Variants in CMC1 observed in about 807,000 individuals in gnomAD.
The protein encoded by CMC1 is C-X9-C motif containing 1, also known as COX assembly mitochondrial protein homolog.
A neutral mutation model predicts 14.1 loss-of-function variants in CMC1; 14 were observed. That is an observed-to-expected ratio of 0.99 (90% CI 0.66 to 1.55). The LOEUF (loss-of-function observed/expected upper bound fraction) is 1.55. Ranked by LOEUF, CMC1 falls within the 40% of genes most tolerant of loss-of-function variation. CMC1 has a pLI of 0.00. For synonymous variants in CMC1, 50 were observed against 38.4 expected, an observed-to-expected ratio of 1.30 and a Z score of -1.12; for missense variants, 127 against 123.8, an observed-to-expected ratio of 1.03 and a Z score of -0.12.
At chr3:28,288,409 C>G (rs1281210963) in intron 2 of CMC1, among the ~76,000 whole-genome samples, 1 of 151,910 alleles carries the variant, frequency 6.6e-6, no homozygotes, top group Non-Finnish European at 1.5e-5. Context: ...ATCTGAAAAT[C>G]CTGTTAAGAA....
intron 2 of CMC1, among the ~76,000 whole-genome samples, chr3:28,275,236 G>C (rs1483117238): frequency 6.6e-6 from 1 of 151,112 alleles, no homozygotes; most frequent in Non-Finnish European, 1.5e-5. Flanking sequence ...AGTTTATCTA[G>C]CTTCGGTCTT....
chr3:28,314,330 A>G (rs1353249411), intron 2 of CMC1, among the ~76,000 whole-genome samples: 7 of 152,240 alleles, frequency 4.6e-5, no homozygotes, highest in Non-Finnish European at 1.0e-4. Flanking sequence ...TGAGCTGGCT[A>G]TAAGTCTGCT....
chr3:28,245,949 T>C (rs981576439), intron 1 of CMC1, among the ~76,000 whole-genome samples: 2 of 152,088 alleles, frequency 1.3e-5, no homozygotes, highest in Non-Finnish European at 2.9e-5. Flanking sequence ...TTAGAAAAAT[T>C]TTTTATTTTT....
intron 2 of CMC1, among the ~76,000 whole-genome samples, chr3:28,279,296 A>T (rs1360527804): frequency 6.6e-6 from 1 of 152,200 alleles, no homozygotes; most frequent in Non-Finnish European, 1.5e-5. Flanking sequence ...CAGGCCTTGG[A>T]AAGTGCGTGT....
chr3:28,317,146 G>A (rs1432418734), intron 3 of CMC1: 1 of 151,880 alleles, frequency 6.6e-6, no homozygotes, highest in Non-Finnish European at 1.5e-5. Context: ...TGTCAGTATG[G>A]TATGTATCTT....
At position 28,241,717 on chromosome 3, in the gene CMC1, C is replaced by T. The variant is rs1319791710; in HGVS notation, c.-77C>T. On this transcript the variant is annotated 5_prime_UTR_variant, in exon 1 of 4. Coordinates refer to ENST00000466830, the MANE Select transcript of CMC1 (RefSeq NM_182523.2). ...CCGGGGGTCGCACGTGCGTCCGAGC[C>T]CAAGCCCCTCCCCTCCACTCCCCTT... 2 of 1,239,310 alleles carry T rather than the reference C, an allele frequency of 1.6e-6. No homozygotes were observed. The highest frequency in any genetic ancestry group is 2.0e-6 in the Non-Finnish European group (2 of 988,014). 76.8% of individuals were successfully genotyped at this position (1,239,310 alleles called of 1,614,324 possible). A position where few individuals can be genotyped will look rare whatever the true frequency, so the allele number is the denominator to read the frequency against.
At chr3:28,247,148 C>T (rs772387361) in intron 1 of CMC1, among the ~76,000 whole-genome samples, 6 of 152,024 alleles carry the variant, frequency 3.9e-5, no homozygotes, top group South Asian at 2.1e-4. Context: ...TTTATTCCCT[C>T]ACACAAGGTA....
At chr3:28,300,969 T>C (rs1377885456) in intron 2 of CMC1, among the ~76,000 whole-genome samples, 1 of 130,038 alleles carries the variant, frequency 7.7e-6, no homozygotes, top group African/African-American at 3.0e-5. Flanking sequence ...GATAACGTTC[T>C]GTACCTTGCT....
intron 2 of CMC1, among the ~76,000 whole-genome samples, chr3:28,305,110 A>T (rs1484804160): frequency 6.6e-6 from 1 of 152,056 alleles, no homozygotes; most frequent in African/African-American, 2.4e-5. Context: ...TGGACTCCCC[A>T]GTATCTATAA....
Position 28,324,481 on chromosome 3 carries a change from C to G in CMC1, c.*4852C>G. 7.0e-7 allele frequency: 1 copy of G among 1,429,508 alleles called. No homozygotes were observed. Among genetic ancestry groups the G allele is most frequent in the East Asian group, 2.3e-5 (1 of 42,846 alleles). The allele number at this position is 1,429,508 out of a possible 1,614,324, so 88.6% of individuals were successfully genotyped here. ...TAAAAAGAAAACACAGACTAAATGT[C>G]AGTTTTCATTACATTTGTGATCATA... On this transcript the variant is annotated 3_prime_UTR_variant, in exon 4 of 4. Coordinates refer to ENST00000466830, the MANE Select transcript of CMC1 (RefSeq NM_182523.2).
chr3:28,307,942 C>CT (rs1300771542), intron 2 of CMC1, among the ~76,000 whole-genome samples: 2 of 152,138 alleles, frequency 1.3e-5, no homozygotes, highest in Non-Finnish European at 2.9e-5. Flanking sequence ...CAAGTATTCT[C>CT]TTTTTTCCAT....
At chr3:28,294,978 T>TG (rs1397254780) in intron 2 of CMC1, among the ~76,000 whole-genome samples, 14 of 116,906 alleles carry the variant, frequency 1.2e-4, no homozygotes, top group African/African-American at 3.7e-4. Context: ...TGATCATTAT[T>TG]GTTATTTTTT....
In CMC1 at chr3:28,324,169, A is replaced by G. The variant is rs1354201699; in HGVS notation, c.*4540A>G. 1 of 1,610,718 alleles carries G rather than the reference A, an allele frequency of 6.2e-7. No homozygotes were observed. The highest frequency in any genetic ancestry group is 8.5e-7 in the Non-Finnish European group (1 of 1,177,622). On this transcript the variant is annotated 3_prime_UTR_variant, in exon 4 of 4. Coordinates refer to ENST00000466830, the MANE Select transcript of CMC1 (RefSeq NM_182523.2). ...CTCACTTGATTTAGGAGGACTTGGA[A>G]ATACCCAGGAATTGTCTTCCAGAGA...
chr3:28,287,440 C>A (rs1244880971), intron 2 of CMC1, among the ~76,000 whole-genome samples: 1 of 152,114 alleles, frequency 6.6e-6, no homozygotes, highest in Non-Finnish European at 1.5e-5. Flanking sequence ...CAGAGTTAGA[C>A]TCCTACTGTT....
At chr3:28,252,285 A>G (rs1337160319) in intron 1 of CMC1, among the ~76,000 whole-genome samples, 1 of 152,180 alleles carries the variant, frequency 6.6e-6, no homozygotes, top group Non-Finnish European at 1.5e-5. Flanking sequence ...GATAGGACAG[A>G]GAAGCTCAGA....
At position 28,258,710 on chromosome 3, in the gene CMC1, C is replaced by T. The variant is rs1201823852; in HGVS notation, c.20-4581C>T. Among the ~76,000 whole-genome samples the T allele has an allele frequency of 1.3e-5, 2 of 150,008 alleles. 1 individual carries two copies. Among genetic ancestry groups the T allele is most frequent in the Non-Finnish European group, 3.0e-5 (2 of 67,792 alleles). On this transcript the variant is annotated intron_variant, in intron 1 of 3. Coordinates refer to ENST00000466830, the MANE Select transcript of CMC1 (RefSeq NM_182523.2). ...TCTCAGCTCACTGCAAGCTCTGCCT[C>T]CCGGGTTCATGCCATTCTCCTGCCT...
intron 2 of CMC1, among the ~76,000 whole-genome samples, chr3:28,266,645 T>A (rs1454440204): frequency 6.6e-6 from 1 of 152,096 alleles, no homozygotes; most frequent in Non-Finnish European, 1.5e-5. Flanking sequence ...GCTCAACCTA[T>A]GTTTCTTTTT....
At chr3:28,303,094 T>C (rs566389121) in intron 2 of CMC1, among the ~76,000 whole-genome samples, 23 of 152,302 alleles carry the variant, frequency 1.5e-4, no homozygotes, top group Non-Finnish European at 2.1e-4. Context: ...AAATAGTGCT[T>C]ACTTGATCGT....
intron 2 of CMC1, among the ~76,000 whole-genome samples, chr3:28,289,275 TTAGC>T (rs1226147135): frequency 1.2e-4 from 19 of 152,048 alleles, no homozygotes; most frequent in African/African-American, 4.3e-4. Context: ...CAAATAAACT[TTAGC>T]TAGGTATCAT....
Sources: gnomAD v4.1 joint callset for allele counts (sites outside exome capture counted in the v4.1 genomes callset) on GRCh38, gnomAD v4.1.1 for gene constraint, MANE v1.5 for transcripts, NCBI Gene and HGNC (gene_info 2026-07-23, HGNC 2026-07-21) for gene names.